Variants in MAPK10 observed in about 807,000 individuals in gnomAD.
MAPK10 encodes mitogen-activated protein kinase 10.
Under a neutral mutation model 59.3 loss-of-function variants are expected in MAPK10, and 25 were observed. That is an observed-to-expected ratio of 0.42 (90% CI 0.31 to 0.59). MAPK10 has a LOEUF of 0.59. Among genes scored for constraint, MAPK10 ranks in the 20% least tolerant of loss-of-function variants. MAPK10 has a pLI of 0.15. For missense variants in MAPK10, 351 were observed against 568.9 expected (o/e 0.62, Z 3.90); for synonymous variants, 190 against 200.5 (o/e 0.95, Z 0.44).
chr4:86,226,121 T>C (rs1307543425), intron 2 of MAPK10, among the ~76,000 whole-genome samples: 1 of 152,256 alleles, frequency 6.6e-6, no homozygotes, highest in Non-Finnish European at 1.5e-5. Flanking sequence ...GAAATGCTTT[T>C]CCTTGCATAG....
chr4:86,192,406 A>C (rs1171909091), intron 3 of MAPK10: 1 of 152,192 alleles, frequency 6.6e-6, no homozygotes, highest in African/African-American at 2.4e-5. Context: ...TTTCAGGTAC[A>C]TCAATCAAAC....
At position 86,367,131 on chromosome 4, in the gene MAPK10, T is replaced by G. The variant is rs1484863755; in HGVS notation, c.-121-12487A>C. Among the ~76,000 whole-genome samples, 5 of 152,154 alleles carry G rather than the reference T, an allele frequency of 3.3e-5. No individual in the cohort carries two copies. In the South Asian group the frequency reaches 8.3e-4, roughly 25 times the overall value. On this transcript the variant is annotated intron_variant, in intron 1 of 13. Transcript: ENST00000361569. Reference sequence around the variant, plus strand: ...TTAAAGAAGTGTCACCTAGCTATACTTTCAACAGTTAGATTATTATGTCAT... The same window carrying G: ...TTAAAGAAGTGTCACCTAGCTATACGTTCAACAGTTAGATTATTATGTCAT...
At chr4:86,415,358 G>A (rs1020844682) in intron 1 of MAPK10, among the ~76,000 whole-genome samples, 3 of 152,036 alleles carry the variant, frequency 2.0e-5, no homozygotes, top group Admixed American at 6.6e-5. Context: ...TTTTTGCCTC[G>A]TGACTTCAGA....
intron 11 of MAPK10, among the ~76,000 whole-genome samples, chr4:86,033,082 G>A (rs1446407596): frequency 3.3e-5 from 5 of 152,156 alleles, no homozygotes; most frequent in Admixed American, 1.3e-4. Flanking sequence ...ACCTGACTGA[G>A]GTAGAACCTT....
At chr4:86,025,769 T>C (rs1349940679) in intron 13 of MAPK10, among the ~76,000 whole-genome samples, 1 of 152,156 alleles carries the variant, frequency 6.6e-6, no homozygotes, top group East Asian at 1.9e-4. Flanking sequence ...TAACATATGC[T>C]AAAGAAAATT....
chr4:86,210,461 A>G (rs940968891), intron 2 of MAPK10, among the ~76,000 whole-genome samples: 1 of 152,016 alleles, frequency 6.6e-6, no homozygotes, highest in Non-Finnish European at 1.5e-5. Flanking sequence ...TAATAATTTA[A>G]TGTTCAATAA....
At chr4:86,491,861 T>C (rs1754478463) in intron 1 of MAPK10, among the ~76,000 whole-genome samples, 2 of 152,210 alleles carry the variant, frequency 1.3e-5, no homozygotes. Flanking sequence ...TATTTTATTT[T>C]ATTTTTTTAG....
intron 1 of MAPK10, among the ~76,000 whole-genome samples, chr4:86,423,214 A>G (rs1214891489): frequency 1.3e-5 from 2 of 152,184 alleles, no homozygotes; most frequent in Non-Finnish European, 2.9e-5. Context: ...AATTTTCCTC[A>G]TTATTATCAT....
intron 1 of MAPK10, among the ~76,000 whole-genome samples, chr4:86,426,825 G>A (rs1747342588): frequency 6.6e-6 from 1 of 151,996 alleles, no homozygotes; most frequent in Non-Finnish European, 1.5e-5. Flanking sequence ...TCATTTGAAA[G>A]AATAAAGTGG....
intron 1 of MAPK10, among the ~76,000 whole-genome samples, chr4:86,402,115 T>G (rs1023409058): frequency 6.6e-6 from 1 of 152,128 alleles, no homozygotes; most frequent in African/African-American, 2.4e-5. Flanking sequence ...AGTGCTCTCA[T>G]TTTACGGAAA....
rs866182991 is a variant in MAPK10 at position 86,029,183 on chromosome 4, C to A, written c.1252+14G>T. 1.3e-6 allele frequency: 2 copies of A among 1,581,248 alleles called. No homozygotes were observed. Among genetic ancestry groups the A allele is most frequent in the Admixed American group, 1.7e-5 (1 of 59,946 alleles). ...CAAGTACTAGTTTATTGGTTATTCA[C>A]GGAGAGTGAGTACCTGAAGGAGAAG... On this transcript the variant is annotated intron_variant, in intron 13 of 13. Coordinates refer to ENST00000641462, the MANE Select transcript of MAPK10 (RefSeq NM_138982.4).
At chr4:86,191,190 G>C (rs2079660511) in intron 3 of MAPK10, among the ~76,000 whole-genome samples, 1 of 152,160 alleles carries the variant, frequency 6.6e-6, no homozygotes, top group Non-Finnish European at 1.5e-5. Context: ...TAGAATAAAT[G>C]CTATGTGGTG....
At chr4:86,124,642 A>G (rs1301030523) in intron 4 of MAPK10, 2 of 152,154 alleles carry the variant, frequency 1.3e-5, no homozygotes, top group Non-Finnish European at 2.9e-5. Flanking sequence ...AATTAACTGA[A>G]CAAATCAAAT....
At chr4:86,054,349 C>T (rs1461594888) in intron 11 of MAPK10, among the ~76,000 whole-genome samples, 1 of 152,106 alleles carries the variant, frequency 6.6e-6, no homozygotes, top group Admixed American at 6.6e-5. Flanking sequence ...GACAAGCTCC[C>T]ACCAACATAA....
chr4:86,553,501 T>C (rs1032226782), intron 1 of MAPK10, among the ~76,000 whole-genome samples: 7 of 152,164 alleles, frequency 4.6e-5, no homozygotes, highest in African/African-American at 1.4e-4. Flanking sequence ...CACTCTCTCC[T>C]TACATAGCCC....
intron 4 of MAPK10, among the ~76,000 whole-genome samples, chr4:86,122,479 C>A (rs1015752860): frequency 3.3e-5 from 5 of 152,104 alleles, no homozygotes; most frequent in Non-Finnish European, 7.4e-5. Flanking sequence ...ATTGGTAAAG[C>A]CATGTTTCAT....
At chr4:86,484,792 A>G (rs893024805) in intron 1 of MAPK10, among the ~76,000 whole-genome samples, 6 of 152,220 alleles carry the variant, frequency 3.9e-5, no homozygotes, top group African/African-American at 9.7e-5. Flanking sequence ...GCAGAAAGAC[A>G]TATAACTAAG....
At chr4:86,540,165 T>C (rs1186473931) in intron 1 of MAPK10, among the ~76,000 whole-genome samples, 1 of 152,222 alleles carries the variant, frequency 6.6e-6, no homozygotes, top group South Asian at 2.1e-4. Context: ...TTTTAACTCA[T>C]AGCAGGCTTA....
intron 1 of MAPK10, among the ~76,000 whole-genome samples, chr4:86,439,395 T>A (rs554717967): frequency 6.6e-6 from 1 of 152,352 alleles, no homozygotes; most frequent in Middle Eastern, 3.4e-3. Flanking sequence ...GCATTAGATA[T>A]TCATTCATAT....
Sources: allele counts gnomAD v4.1 joint callset (sites outside exome capture counted in the v4.1 genomes callset), GRCh38; gene constraint gnomAD v4.1.1; transcripts MANE v1.5; gene names NCBI Gene and HGNC (gene_info 2026-07-23, HGNC 2026-07-21).